Variants in FER1L5 observed in about 807,000 individuals in gnomAD.
FER1L5 encodes fer-1-like protein 5.
In FER1L5, 187 loss-of-function variants were observed where a neutral mutation model predicts 279.9. That is an observed-to-expected ratio of 0.67 (90% CI 0.59 to 0.75). FER1L5 has a LOEUF of 0.75. Ranked by LOEUF, FER1L5 falls within the 30% of genes least tolerant of loss-of-function variation. The probability of loss-of-function intolerance (pLI) is 0.00; values close to 1 mark genes in which losing one functional copy is unlikely to be tolerated. For synonymous variants in FER1L5, 921 were observed against 989.7 expected (o/e 0.93, Z 1.30); for missense variants, 2,091 against 2,594.4 (o/e 0.81, Z 4.21).
In FER1L5 at chr2:96,699,635, A is replaced by G; in HGVS notation, c.4696A>G (p.Lys1566Glu). ...CTTCGACCTATTTTCACCTGATGAT[A>G]AGATAGGAACCACAGTCATCGACCT... ...YDFDLFSPDD[K>E]IGTTVIDLEN... Residue 1566 changes from lysine (K) to glutamate (E), a missense_variant, in exon 43 of 53, where the codon AAG (lysine) becomes GAG (glutamate). Lys to Glu is a moderately conservative substitution (Grantham distance 56). Transcript: ENST00000624922. The G allele has an allele frequency of 1.2e-6, 2 of 1,614,048 alleles. No homozygotes were observed. Among genetic ancestry groups the G allele is most frequent in the Non-Finnish European group, 1.7e-6 (2 of 1,179,894 alleles).
At position 96,662,273 on chromosome 2, in the gene FER1L5, T is replaced by A. The variant is rs902757358; in HGVS notation, c.1071+6T>A. ...TGGAACTAATTGGGGAAAAGGTAAG[T>A]GTAGAAATATTCTGAGACCCAGAGA... On this transcript the variant is annotated splice_donor_region_variant and intron_variant, in intron 13 of 52. Transcript: ENST00000624922. The A allele has an allele frequency of 8.4e-6, 13 of 1,551,154 alleles. No homozygotes were observed. Among genetic ancestry groups the A allele is most frequent in the Non-Finnish European group, 1.1e-5 (13 of 1,146,796 alleles).
intron 8 of FER1L5, chr2:96,654,069 A>G (rs912649448): frequency 8.6e-6 from 3 of 348,294 alleles, no homozygotes. Context: ...CTATGTGCCC[A>G]GCACAGGGCT....
At chr2:96,668,130 C>A (rs1425131829) in intron 14 of FER1L5, among the ~76,000 whole-genome samples, 1 of 152,152 alleles carries the variant, frequency 6.6e-6, no homozygotes, top group Admixed American at 6.5e-5. Context: ...CAGGTGTGAG[C>A]CACCATGCTT....
At chr2:96,644,471 G>C (rs1242617120) in intron 1 of FER1L5, among the ~76,000 whole-genome samples, 3 of 152,000 alleles carry the variant, frequency 2.0e-5, no homozygotes, top group Non-Finnish European at 4.4e-5. Flanking sequence ...GAAAAAGCAA[G>C]AGTCTGTCAG....
intron 13 of FER1L5, 131 bp downstream of exon 13, chr2:96,662,398 C>A (rs2075986814): frequency 6.0e-6 from 5 of 835,606 alleles, no homozygotes; most frequent in East Asian, 2.7e-5. Context: ...GTATGCACCC[C>A]TGCACCTGGA....
chr2:96,689,590 C>A lies in FER1L5; in HGVS notation c.2526-54C>A. The A allele has an allele frequency of 6.6e-7, 1 of 1,504,274 alleles. No homozygotes were observed. The highest frequency in any genetic ancestry group is 9.0e-7 in the Non-Finnish European group (1 of 1,105,148). 93.2% of individuals were successfully genotyped at this position (1,504,274 alleles called of 1,614,324 possible). ...GAACGCTTGGCCAGCAGAAGACGGC[C>A]CTAGGGGCTGCTTGGGGAGTTGTGC... On this transcript the variant is annotated intron_variant, in intron 25 of 52. Coordinates refer to ENST00000624922, the MANE Select transcript of FER1L5 (RefSeq NM_001293083.2). The surrounding 1 kb of genome is among the most constrained non-coding windows in gnomAD (Gnocchi z 4.6).
Position 96,702,688 on chromosome 2 carries a change from A to T in FER1L5, c.5344A>T (p.Ile1782Phe). 5.6e-6 allele frequency: 9 copies of T among 1,612,904 alleles called. No individual in the cohort carries two copies. Among genetic ancestry groups the T allele is most frequent in the Non-Finnish European group, 7.6e-6 (9 of 1,179,480 alleles). ...GGAGGCCGACTTCAACTGGCGGTTCATCTTTACCATGGACTACCTGGCGGC... is the reference window on the plus strand; with the variant it reads ...GGAGGCCGACTTCAACTGGCGGTTCTTCTTTACCATGGACTACCTGGCGGC... ...TGEADFNWRF[I>F]FTMDYLAAER... The change falls in exon 48 of 53, where the codon ATC (isoleucine) becomes TTC (phenylalanine). Residue 1782 changes from isoleucine (I) to phenylalanine (F), a missense_variant. Physicochemically the swap from Ile to Phe is conservative, Grantham distance 21 (BLOSUM62 0). Coordinates refer to ENST00000624922, the MANE Select transcript of FER1L5 (RefSeq NM_001293083.2). This position sits in a 1 kb window ranked among gnomAD's most constrained non-coding sequence, Gnocchi z 4.0.
Position 96,691,489 on chromosome 2 carries a change from C to T in FER1L5, c.2952C>T (p.Phe984=), listed in dbSNP as rs562338951. Residue 984 remains phenylalanine (F), a synonymous_variant, in exon 29 of 53, where the codon TTC becomes TTT. Transcript: ENST00000624922. The surrounding 1 kb of genome is among the most constrained non-coding windows in gnomAD (Gnocchi z 6.0). The part of the protein sequence containing the change: ...GEEEGWEYDT[F]GSKFHLNPQP... ...AGGAGGGCTGGGAGTATGACACCTT[C>T]GGCTCCAAGTTCCACCTCAACCCTC... is the stretch of plus-strand genomic sequence containing the variant. 1.0e-5 allele frequency: 16 copies of T among 1,549,242 alleles called. No homozygotes were observed. Among genetic ancestry groups the T allele is most frequent in the East Asian group, 2.4e-5 (1 of 40,918 alleles).
At chr2:96,675,491 A>G (rs1168188539) in intron 19 of FER1L5, among the ~76,000 whole-genome samples, 1 of 152,146 alleles carries the variant, frequency 6.6e-6, no homozygotes, top group Non-Finnish European at 1.5e-5. Context: ...CAATGGTACA[A>G]TCTCAGCTCA....
intron 3 of FER1L5, 57 bp downstream of exon 3, chr2:96,647,212 T>A (rs1484364573): frequency 4.0e-6 from 6 of 1,497,624 alleles, no homozygotes; most frequent in Non-Finnish European, 1.8e-6. Context: ...CAGCAAGTTA[T>A]GTGATCCTTG....
chr2:96,648,517 G>A (rs1429589811), intron 4 of FER1L5, among the ~76,000 whole-genome samples: 1 of 152,218 alleles, frequency 6.6e-6, no homozygotes, highest in Admixed American at 6.5e-5. Flanking sequence ...TGGTTAGAGG[G>A]GCATGTTTGG....
rs1304418973 is a variant in FER1L5, at chr2:96,702,271, C to T, written c.5160-35C>T. The T allele has an allele frequency of 1.3e-6, 2 of 1,597,450 alleles. No individual in the cohort carries two copies. The highest frequency in any genetic ancestry group is 4.5e-5 in the East Asian group (2 of 44,020). On this transcript the variant is annotated intron_variant, in intron 46 of 52. Coordinates refer to ENST00000624922, the MANE Select transcript of FER1L5 (RefSeq NM_001293083.2). The surrounding 1 kb of genome is among the most constrained non-coding windows in gnomAD (Gnocchi z 4.0). ...CACTGAGGCTGCAGCTGGGGAGCTC[C>T]TCCTCAGCAAAGCCTCAGAGCACAG...
At chr2:96,649,881 C>T (rs2075291140) in intron 5 of FER1L5, among the ~76,000 whole-genome samples, 2 of 152,202 alleles carry the variant, frequency 1.3e-5, no homozygotes, top group African/African-American at 4.8e-5. Context: ...GCCTATTTGT[C>T]ATCTCTAGAC....
chr2:96,690,272 C>A (rs2077090779), intron 26 of FER1L5, among the ~76,000 whole-genome samples: 1 of 152,152 alleles, frequency 6.6e-6, no homozygotes, highest in Non-Finnish European at 1.5e-5. Flanking sequence ...CTCCCCTTTA[C>A]AATGAGGAGG....
intron 7 of FER1L5, 155 bp downstream of exon 7, chr2:96,652,175 C>T (rs898088978): frequency 4.6e-6 from 5 of 1,085,488 alleles, no homozygotes; most frequent in Non-Finnish European, 6.6e-6. Context: ...ACTGAAAATA[C>T]AGAACAGTAT....
Position 96,687,954 on chromosome 2 carries a change from G to C in FER1L5, c.2361+7G>C. On this transcript the variant is annotated splice_region_variant and intron_variant, in intron 24 of 52. Coordinates refer to ENST00000624922, the MANE Select transcript of FER1L5 (RefSeq NM_001293083.2). ...AGCGGTGTACGCCGAGATGGTGAGT[G>C]GTGAGCGGCAGCCCAAGGCCAGGGC... 1 of 1,550,872 alleles carries C rather than the reference G, an allele frequency of 6.4e-7. No homozygotes were observed. Among genetic ancestry groups the C allele is most frequent in the Non-Finnish European group, 8.7e-7 (1 of 1,146,858 alleles).
intron 19 of FER1L5, among the ~76,000 whole-genome samples, chr2:96,679,457 C>CAG (rs1425320441): frequency 1.3e-5 from 2 of 152,040 alleles, no homozygotes; most frequent in Non-Finnish European, 2.9e-5. Context: ...CTCGTGACCT[C>CAG]GTGATCCACC....
At chr2:96,685,864 C>T in intron 21 of FER1L5, 76 bp from the exon 22 acceptor site, 2 of 1,453,302 alleles carry the variant, frequency 1.4e-6, no homozygotes, top group South Asian at 1.5e-5. Context: ...GGCACGCTGG[C>T]CTAAGGCAGG....
intron 2 of FER1L5, 71 bp downstream of exon 2, chr2:96,646,524 G>C (rs892062225): frequency 2.0e-6 from 3 of 1,491,644 alleles, no homozygotes; most frequent in African/African-American, 2.8e-5. Context: ...TGGGGTCCAG[G>C]AAGGTGCTCA....
Sources: allele counts gnomAD v4.1 joint callset (sites outside exome capture counted in the v4.1 genomes callset), GRCh38; gene constraint gnomAD v4.1.1; non-coding constraint Gnocchi (gnomAD v3.1); transcripts MANE v1.5; gene names NCBI Gene and HGNC (gene_info 2026-07-23, HGNC 2026-07-21).